EEIG1: variants seen among roughly 807,000 people sequenced by gnomAD.
EEIG1 encodes the protein early estrogen-induced gene 1 protein.
At chr9:127,963,514 C>G in the EEIG1 span, among the ~76,000 whole-genome samples, 1 of 152,238 alleles carries the variant, frequency 6.6e-6, no homozygotes, top group African/African-American at 2.4e-5. Flanking sequence ...AGCCCTGCAC[C>G]CACCACAGCC....
chr9:127,971,550 G>C, the EEIG1 span, among the ~76,000 whole-genome samples: 3 of 150,712 alleles, frequency 2.0e-5, no homozygotes, highest in East Asian at 2.0e-4. Flanking sequence ...TGCGGGGCGG[G>C]GGGGCGGGTC....
At chr9:127,953,793 C>T in the EEIG1 span, 8 of 1,614,008 alleles carry the variant, frequency 5.0e-6, no homozygotes, top group South Asian at 1.1e-5. Flanking sequence ...CCACATGCGC[C>T]CTTGGCCTCA....
At chr9:127,957,515 TTAAGA>T in the EEIG1 span, among the ~76,000 whole-genome samples, 23 of 152,332 alleles carry the variant, frequency 1.5e-4, no homozygotes, top group African/African-American at 4.3e-4. Flanking sequence ...AGACATGTTG[TTAAGA>T]TGATACTCCC....
the EEIG1 span, chr9:127,948,354 G>A: frequency 6.4e-5 from 104 of 1,614,064 alleles, no homozygotes; most frequent in East Asian, 2.2e-3. Flanking sequence ...CCCTAGGCCT[G>A]TGCCAGCACT....
the EEIG1 span, chr9:127,950,844 A>G: frequency 2.4e-6 from 1 of 422,610 alleles, no homozygotes. Context: ...TCCGTGACAC[A>G]GATGCATTGT....
chr9:127,954,011 A>G, the EEIG1 span: 15 of 1,530,242 alleles, frequency 9.8e-6, no homozygotes, highest in Admixed American at 1.4e-4. Context: ...GGCACTCCCC[A>G]TTGGGACTGA....
the EEIG1 span, among the ~76,000 whole-genome samples, chr9:127,974,411 G>C: frequency 6.6e-6 from 1 of 152,142 alleles, no homozygotes; most frequent in Non-Finnish European, 1.5e-5. Flanking sequence ...CTCCTCGCCT[G>C]ACCCTGGGAA....
At chr9:127,971,632 C>A in the EEIG1 span, among the ~76,000 whole-genome samples, 1 of 152,172 alleles carries the variant, frequency 6.6e-6, no homozygotes, top group Non-Finnish European at 1.5e-5. Context: ...GGGAGAAAAG[C>A]CCCGGCACCA....
the EEIG1 span, chr9:127,950,319 A>G: frequency 9.4e-7 from 1 of 1,061,226 alleles, no homozygotes; most frequent in Non-Finnish European, 1.4e-6. Context: ...CTATTCAGGT[A>G]AGGCCTGTAT....
the EEIG1 span, among the ~76,000 whole-genome samples, chr9:127,951,814 C>A: frequency 9.8e-4 from 107 of 109,162 alleles, no homozygotes; most frequent in South Asian, 1.7e-3. Flanking sequence ...GACTCCATCT[C>A]AAAAAAAAAA....
At chr9:127,970,819 G>A in the EEIG1 span, among the ~76,000 whole-genome samples, 1 of 152,218 alleles carries the variant, frequency 6.6e-6, no homozygotes, top group Admixed American at 6.5e-5. Context: ...CTCTGCCGCA[G>A]GCTGCTCTTC....
the EEIG1 span, among the ~76,000 whole-genome samples, chr9:127,971,316 T>A: frequency 6.6e-6 from 1 of 152,040 alleles, no homozygotes; most frequent in African/African-American, 2.4e-5. Flanking sequence ...ACTGCCAAGG[T>A]CCAATTGCCG....
chr9:127,945,236 G>T, the EEIG1 span: 1 of 776,094 alleles, frequency 1.3e-6, no homozygotes, highest in East Asian at 2.7e-5. This position sits in a 1 kb window ranked among gnomAD's most constrained non-coding sequence, Gnocchi z 6.5. Flanking sequence ...CCATCAGCTA[G>T]TGGAATCGTC....
At chr9:127,945,669 C>T in the EEIG1 span, 3 of 1,594,610 alleles carry the variant, frequency 1.9e-6, no homozygotes, top group Non-Finnish European at 2.6e-6. The surrounding 1 kb of genome is among the most constrained non-coding windows in gnomAD (Gnocchi z 6.5). Context: ...GGACTGCTGG[C>T]TGGCATAGCT....
chr9:127,975,492 C>A, the EEIG1 span, among the ~76,000 whole-genome samples: 2 of 152,064 alleles, frequency 1.3e-5, no homozygotes, highest in Non-Finnish European at 2.9e-5. Flanking sequence ...CCGTTCTGGC[C>A]CAGCCTGCCT....
chr9:127,952,617 G>A, the EEIG1 span, among the ~76,000 whole-genome samples: 7 of 152,180 alleles, frequency 4.6e-5, no homozygotes, highest in South Asian at 1.2e-3. Flanking sequence ...GCCATGCCAC[G>A]GGACACTGCT....
the EEIG1 span, among the ~76,000 whole-genome samples, chr9:127,949,332 A>G: frequency 4.0e-5 from 6 of 149,876 alleles, no homozygotes; most frequent in South Asian, 1.3e-3. Context: ...AAAAAAAAAA[A>G]GAAAGGGTGA....
At chr9:127,951,886 C>G in the EEIG1 span, among the ~76,000 whole-genome samples, 3 of 151,008 alleles carry the variant, frequency 2.0e-5, no homozygotes, top group Non-Finnish European at 4.4e-5. Flanking sequence ...CAGGGCCAAA[C>G]AGCTAACCCA....
chr9:127,948,453 C>G, the EEIG1 span: 2 of 1,605,654 alleles, frequency 1.2e-6, no homozygotes, highest in Admixed American at 1.7e-5. Context: ...CCTGACCACC[C>G]ACAGCCTGCC....
Sources: gnomAD v4.1 joint callset for allele counts (sites outside exome capture counted in the v4.1 genomes callset) on GRCh38, gnomAD v4.1.1 for gene constraint, Gnocchi (gnomAD v3.1) non-coding constraint, MANE v1.5 for transcripts, NCBI Gene and HGNC (gene_info 2026-07-23, HGNC 2026-07-21) for gene names.